FAM135A: variants seen among roughly 807,000 people sequenced by gnomAD.
The protein encoded by FAM135A is family with sequence similarity 135 member A.
A neutral mutation model predicts 146.8 loss-of-function variants in FAM135A; 79 were observed. The observed-to-expected ratio is 0.54, with a 90% CI of 0.45 to 0.65. FAM135A has a LOEUF of 0.65. Among genes scored for constraint, FAM135A ranks in the 30% least tolerant of loss-of-function variants. The pLI, the probability that FAM135A is intolerant of heterozygous loss-of-function variation, is 0.00. For missense variants in FAM135A, 1,623 were observed against 1,758.2 expected, an observed-to-expected ratio of 0.92 and a Z score of 1.38; for synonymous variants, 562 against 603.6, an observed-to-expected ratio of 0.93 and a Z score of 1.01.
chr6:70,485,947 A>T (rs550175245), intron 10 of FAM135A, among the ~76,000 whole-genome samples: 251 of 152,356 alleles, frequency 1.6e-3, no homozygotes, highest in African/African-American at 5.8e-3. Flanking sequence ...ATTAATTAAG[A>T]CATATTGGAT....
intron 20 of FAM135A, among the ~76,000 whole-genome samples, chr6:70,548,463 G>A (rs147278178): frequency 8.5e-4 from 130 of 152,200 alleles, no homozygotes; most frequent in African/African-American, 2.5e-3. Context: ...GAGTGAAAGG[G>A]TATCTTTGAA....
At chr6:70,478,748 T>G (rs1783111329) in intron 8 of FAM135A, among the ~76,000 whole-genome samples, 1 of 152,142 alleles carries the variant, frequency 6.6e-6, no homozygotes, top group African/African-American at 2.4e-5. Flanking sequence ...CTGTAACTGG[T>G]AGTTTTGCTG....
Position 70,525,847 on chromosome 6 carries a change from A to G in FAM135A, c.2763A>G (p.Leu921=). The part of the protein sequence containing the change: ...HSLNSSIKDP[L]QFVFSDEETS... ...TAAATTCAAGCATTAAAGACCCTTT[A>G]CAATTTGTTTTTTCAGATGAAGAGA... Residue 921 remains leucine (L), a synonymous_variant, in exon 15 of 22, where the codon TTA becomes TTG. Coordinates refer to ENST00000418814, the MANE Select transcript of FAM135A (RefSeq NM_001162529.3). 6 of 1,611,596 alleles carry G rather than the reference A, an allele frequency of 3.7e-6. No homozygotes were observed. Among genetic ancestry groups the G allele is most frequent in the Non-Finnish European group, 5.1e-6 (6 of 1,179,204 alleles).
rs764904309 is a variant in FAM135A at position 70,431,242 on chromosome 6, C to T, written c.77+2823C>T. Among the ~76,000 whole-genome samples the T allele has an allele frequency of 9.2e-5, 14 of 152,160 alleles. 1 individual carries two copies. Among genetic ancestry groups the T allele is most frequent in the African/African-American group, 1.2e-4 (5 of 41,436 alleles). ...ACACAAAGACTCAATGGCATTATGG[C>T]AATAAACATTTATTTTTGCTCCTAA... On this transcript the variant is annotated intron_variant, in intron 4 of 21. Transcript: ENST00000418814.
At chr6:70,507,013 G>T (rs1374622722) in intron 12 of FAM135A, among the ~76,000 whole-genome samples, 1 of 151,234 alleles carries the variant, frequency 6.6e-6, no homozygotes, top group Non-Finnish European at 1.5e-5. Flanking sequence ...TGAGAAGAAG[G>T]GACAAAGAAA....
chr6:70,524,197 A>T, intron 14 of FAM135A, 76 bp downstream of exon 14: 1 of 1,439,020 alleles, frequency 6.9e-7, no homozygotes, highest in Non-Finnish European at 9.3e-7. Flanking sequence ...ACATAAAACC[A>T]TTCCCTAATG....
At position 70,447,565 on chromosome 6, in the gene FAM135A, G is replaced by A. The variant is rs144371598; in HGVS notation, c.78-4927G>A. On this transcript the variant is annotated intron_variant, in intron 4 of 21. Transcript: ENST00000418814. Reference sequence around the variant, plus strand: ...GCTTTTGTGCAGCATAAATCTACTGGGGCACTACCGGCTGTGGCGGGGGAC... The same window carrying A: ...GCTTTTGTGCAGCATAAATCTACTGAGGCACTACCGGCTGTGGCGGGGGAC... Among the ~76,000 whole-genome samples the A allele has an allele frequency of 3.8e-3, 578 of 152,266 alleles. 5 individuals are homozygous for A. The highest frequency in any genetic ancestry group is 0.011 in the African/African-American group (469 of 41,544).
intron 9 of FAM135A, 44 bp from the exon 10 acceptor site, chr6:70,481,957 T>C: frequency 6.5e-7 from 1 of 1,533,126 alleles, no homozygotes; most frequent in Non-Finnish European, 8.8e-7. Context: ...ATGTAACATT[T>C]TGTATTACTG....
At chr6:70,471,754 T>TGGATTGCATTTGG in intron 5 of FAM135A, among the ~76,000 whole-genome samples, 1 of 152,080 alleles carries the variant, frequency 6.6e-6, no homozygotes, top group East Asian at 1.9e-4. Context: ...GAAATTCAAA[T>TGGATTGCATTTGG]TACAGATGGA....
intron 20 of FAM135A, among the ~76,000 whole-genome samples, chr6:70,553,315 G>A (rs1023213444): frequency 2.0e-5 from 3 of 152,074 alleles, no homozygotes; most frequent in Non-Finnish European, 4.4e-5. Context: ...TCCATACTAC[G>A]CTGAAATAAA....
In FAM135A at chr6:70,525,954, C is replaced by A; in HGVS notation, c.2870C>A (p.Ser957Tyr). 6.2e-7 allele frequency: 1 copy of A among 1,613,384 alleles called. No individual in the cohort carries two copies. Among genetic ancestry groups the A allele is most frequent in the Non-Finnish European group, 8.5e-7 (1 of 1,179,632 alleles). The change falls in exon 15 of 22, where the codon TCT (serine) becomes TAT (tyrosine). Residue 957 changes from serine (S) to tyrosine (Y), a missense_variant. By Grantham distance (144) the Ser-to-Tyr change is moderately radical. This residue lies in a region of FAM135A where 1,061 missense variants were observed against 1,113.8 expected (regional missense o/e 0.95). Transcript: ENST00000418814. The part of the protein sequence containing the change: ...MCKGFQSPDK[S>Y]NNSTGTAITL... ...AAAGGCTTCCAGAGTCCTGATAAATCTAATAACTCTACAGGGACAGCAATT... is the reference window on the plus strand; with the variant it reads ...AAAGGCTTCCAGAGTCCTGATAAATATAATAACTCTACAGGGACAGCAATT...
Position 70,456,858 on chromosome 6 carries a change from C to T in FAM135A, c.157+4287C>T, listed in dbSNP as rs577113798. Among the ~76,000 whole-genome samples, 4 of 152,278 alleles carry T rather than the reference C, an allele frequency of 2.6e-5. No homozygotes were observed. In the East Asian group the frequency reaches 7.7e-4, roughly 29 times the overall value. On this transcript the variant is annotated intron_variant, in intron 5 of 21. Transcript: ENST00000418814. ...TAACCCCTGATTACTCTTCCTGGTC[C>T]AGTGGCCCTTGAGTGACTGTGCTTG... is the stretch of plus-strand genomic sequence containing the variant.
intron 5 of FAM135A, among the ~76,000 whole-genome samples, chr6:70,457,500 G>GT (rs1778590391): frequency 6.6e-6 from 1 of 152,166 alleles, no homozygotes; most frequent in African/African-American, 2.4e-5. Flanking sequence ...TTCCAAATGA[G>GT]TATGTTTGTT....
intron 20 of FAM135A, among the ~76,000 whole-genome samples, chr6:70,541,091 C>A (rs1797832936): frequency 6.6e-6 from 1 of 152,168 alleles, no homozygotes; most frequent in Non-Finnish European, 1.5e-5. Context: ...AGAATAATTA[C>A]CCTCTCTGTT....
chr6:70,507,264 G>T (rs1356465935), intron 12 of FAM135A, among the ~76,000 whole-genome samples: 6 of 152,148 alleles, frequency 3.9e-5, no homozygotes, highest in Admixed American at 3.9e-4. Flanking sequence ...GGACATGGTA[G>T]CATACTGTGT....
At chr6:70,464,299 G>A (rs1562467241) in intron 5 of FAM135A, among the ~76,000 whole-genome samples, 1 of 152,138 alleles carries the variant, frequency 6.6e-6, no homozygotes, top group Non-Finnish European at 1.5e-5. Context: ...ATAACTGATA[G>A]GCAAAATAAA....
intron 11 of FAM135A, among the ~76,000 whole-genome samples, chr6:70,494,699 CAAT>C (rs1161308913): frequency 6.6e-6 from 1 of 152,052 alleles, no homozygotes; most frequent in Non-Finnish European, 1.5e-5. Context: ...GCTTTTCCAA[CAAT>C]GAGAGTACTG....
rs1186603272 is a variant in FAM135A, at chr6:70,526,061, G to T, written c.2977G>T (p.Asp993Tyr). Residue 993 changes from aspartate to tyrosine, a missense_variant, in exon 15 of 22, where the codon GAT becomes TAT. Physicochemically the swap from Asp to Tyr is radical, Grantham distance 160 (BLOSUM62 -3). Transcript: ENST00000418814. Reference protein sequence around the residue: ...SISSNTDVSEDRTMKKNSDVL... With the variant: ...SISSNTDVSEYRTMKKNSDVL... ...TTCTAGTAATACAGATGTTAGTGAA[G>T]ATAGAACTATGAAAAAAAATAGTGA... The T allele has an allele frequency of 6.2e-7, 1 of 1,612,444 alleles. No homozygotes were observed. The highest frequency in any genetic ancestry group is 1.3e-5 in the African/African-American group (1 of 74,856).
chr6:70,437,901 G>A (rs1202722766), intron 4 of FAM135A, among the ~76,000 whole-genome samples: 1 of 152,044 alleles, frequency 6.6e-6, no homozygotes, highest in African/African-American at 2.4e-5. Context: ...GGAGAATGAT[G>A]GCGGAGGAAT....
Sources: gnomAD v4.1 joint callset for allele counts (sites outside exome capture counted in the v4.1 genomes callset) on GRCh38, gnomAD v4.1.1 for gene constraint, gnomAD v4.1.1 regional missense constraint, MANE v1.5 for transcripts, NCBI Gene and HGNC (gene_info 2026-07-23, HGNC 2026-07-21) for gene names.